PTPRT: variants seen among roughly 807,000 people sequenced by gnomAD.
PTPRT encodes the protein receptor-type tyrosine-protein phosphatase T.
A neutral mutation model predicts 176.8 loss-of-function variants in PTPRT; 56 were observed. That is an observed-to-expected ratio of 0.32 (90% CI 0.26 to 0.40). PTPRT has a LOEUF of 0.40. Among genes scored for constraint, PTPRT ranks in the 10% least tolerant of loss-of-function variants. The probability of loss-of-function intolerance (pLI) is 1.00; values close to 1 mark genes in which losing one functional copy is unlikely to be tolerated. For synonymous variants in PTPRT, 783 were observed against 739.0 expected (o/e 1.06, Z -0.96); for missense variants, 1,540 against 1,908.2 (o/e 0.81, Z 3.60).
chr20:42,886,417 G>C (rs2079104012), intron 1 of PTPRT, among the ~76,000 whole-genome samples: 1 of 152,156 alleles, frequency 6.6e-6, no homozygotes, highest in African/African-American at 2.4e-5. Context: ...CTATGATACG[G>C]AGGGAAATGT....
At chr20:43,176,991 C>A (rs187334144) in intron 1 of PTPRT, among the ~76,000 whole-genome samples, 1 of 152,296 alleles carries the variant, frequency 6.6e-6, no homozygotes, top group Admixed American at 6.5e-5. Flanking sequence ...TGTGTAGTCA[C>A]CGCACTCCCA....
chr20:42,582,603 G>A (rs1313897530), intron 7 of PTPRT, among the ~76,000 whole-genome samples: 1 of 152,156 alleles, frequency 6.6e-6, no homozygotes, highest in Non-Finnish European at 1.5e-5. Context: ...ACAAAAAGAG[G>A]TTACCTTTTC....
chr20:42,296,508 C>T (rs962164638), intron 12 of PTPRT, among the ~76,000 whole-genome samples: 2 of 149,834 alleles, frequency 1.3e-5, no homozygotes, highest in African/African-American at 4.9e-5. Flanking sequence ...AACAGAAATA[C>T]AAGACTTCCT....
chr20:42,739,327 AG>A (rs1249020040), intron 6 of PTPRT, among the ~76,000 whole-genome samples: 3 of 152,082 alleles, frequency 2.0e-5, no homozygotes, highest in Admixed American at 1.3e-4. Flanking sequence ...ATGAGAAGGA[AG>A]GGAGAACAGG....
intron 1 of PTPRT, among the ~76,000 whole-genome samples, chr20:42,901,645 C>T (rs1006133055): frequency 5.9e-5 from 9 of 152,140 alleles, no homozygotes; most frequent in African/African-American, 2.2e-4. Context: ...GACTTGACCA[C>T]AGTGGTAGCA....
intron 2 of PTPRT, among the ~76,000 whole-genome samples, chr20:42,810,137 C>T (rs1167273244): frequency 6.6e-6 from 1 of 151,922 alleles, no homozygotes; most frequent in Non-Finnish European, 1.5e-5. Context: ...TACTAAAATA[C>T]AAAAAAATTA....
intron 6 of PTPRT, among the ~76,000 whole-genome samples, chr20:42,731,782 T>C (rs1416962721): frequency 1.3e-5 from 2 of 152,194 alleles, no homozygotes; most frequent in South Asian, 4.1e-4. Flanking sequence ...CTCACCCATC[T>C]ATCCCAGCCA....
chr20:42,956,102 A>G (rs1298599690), intron 1 of PTPRT, among the ~76,000 whole-genome samples: 1 of 152,106 alleles, frequency 6.6e-6, no homozygotes, highest in African/African-American at 2.4e-5. Flanking sequence ...ACAGGTTGTG[A>G]CACTCAAGCT....
At chr20:42,164,494 G>C (rs1405431418) in intron 16 of PTPRT, among the ~76,000 whole-genome samples, 1 of 152,148 alleles carries the variant, frequency 6.6e-6, no homozygotes, top group Non-Finnish European at 1.5e-5. Flanking sequence ...TCAGAACCAA[G>C]GGATTTTCAA....
intron 1 of PTPRT, among the ~76,000 whole-genome samples, chr20:42,888,706 G>T (rs199829391): frequency 1.3e-5 from 2 of 152,170 alleles, no homozygotes; most frequent in Admixed American, 1.3e-4. Flanking sequence ...TTCCAAGGTG[G>T]TTGGGCCTCT....
chr20:42,118,572 G>A lies in PTPRT; in HGVS notation c.2885-72C>T, dbSNP rs543999791. On this transcript the variant is annotated intron_variant, in intron 20 of 30. Coordinates refer to ENST00000373187, the MANE Select transcript of PTPRT (RefSeq NM_007050.6). ...AGCAGCTGAGAAGGTTTGTCCCCCC[G>A]GTTGGTCAAGTCTCCACACTGGTGA... 1.5e-4 allele frequency: 204 copies of A among 1,346,556 alleles called. 1 individual carries two copies. In the African/African-American group the frequency reaches 2.4e-3, roughly 16 times the overall value. 83.4% of individuals were successfully genotyped at this position (1,346,556 alleles called of 1,614,324 possible).
rs576195633 is a variant in PTPRT, at chr20:43,091,789, G to A, written c.88+97857C>T. On this transcript the variant is annotated intron_variant, in intron 1 of 30. Transcript: ENST00000373187. ...ATGAGCTCATGGTCCCAGGAGGAAG[G>A]TAGGAGAGCACTTCACAGCGTGCAA... Among the ~76,000 whole-genome samples, 4 of 152,242 alleles carry A rather than the reference G, an allele frequency of 2.6e-5. No individual in the cohort carries two copies. In the South Asian group the frequency reaches 8.3e-4, roughly 32 times the overall value.
intron 25 of PTPRT, among the ~76,000 whole-genome samples, chr20:42,103,106 T>C (rs1986104851): frequency 6.6e-6 from 1 of 152,232 alleles, no homozygotes; most frequent in Admixed American, 6.5e-5. Flanking sequence ...CCTTGCTTTC[T>C]CATACCTGGT....
chr20:42,760,556 A>T lies in PTPRT; in HGVS notation c.685-3920T>A, dbSNP rs142714606. Among the ~76,000 whole-genome samples, 15 of 152,122 alleles carry T rather than the reference A, an allele frequency of 9.9e-5. No individual in the cohort carries two copies. In the East Asian group the frequency reaches 2.9e-3, roughly 29 times the overall value. The stretch of plus-strand genomic sequence containing the variant: ...CTGAGCTTGATAAACATTTTGTTCA[A>T]CTTAACAAGATTTATCTGAGCGTTT... On this transcript the variant is annotated intron_variant, in intron 5 of 30. Coordinates refer to ENST00000373187, the MANE Select transcript of PTPRT (RefSeq NM_007050.6).
Position 42,756,442 on chromosome 20 carries a change from C to T in PTPRT, c.859+20G>A, listed in dbSNP as rs745545337. ...TGCCAACCTTCCATGGCAGTAGAGG[C>T]GCAGGCTGGAGGCACTCACCTTTCA... On this transcript the variant is annotated intron_variant, in intron 6 of 30. Transcript: ENST00000373187. 106 of 1,512,760 alleles carry T rather than the reference C, an allele frequency of 7.0e-5. No individual in the cohort carries two copies. The highest frequency in any genetic ancestry group is 9.1e-5 in the Non-Finnish European group (102 of 1,125,222). The allele number at this position is 1,512,760 out of a possible 1,614,324, so 93.7% of individuals were successfully genotyped here. A position where few individuals can be genotyped will look rare whatever the true frequency, so the allele number is the denominator to read the frequency against.
chr20:42,774,313 T>A lies in PTPRT; in HGVS notation c.569-2763A>T, dbSNP rs935786398. On this transcript the variant is annotated intron_variant, in intron 4 of 30. Coordinates refer to ENST00000373187, the MANE Select transcript of PTPRT (RefSeq NM_007050.6). ...AATGTTGTAAGCACAATAACTGGTA[T>A]CCACCAGTAGCCTCAGCACTGAGGA... is the stretch of plus-strand genomic sequence containing the variant. Among the ~76,000 whole-genome samples the A allele has an allele frequency of 2.0e-5, 3 of 152,092 alleles. No individual in the cohort carries two copies. The South Asian group carries it at 6.2e-4, about 32-fold the overall frequency.
At chr20:43,151,014 T>C (rs911848957) in intron 1 of PTPRT, among the ~76,000 whole-genome samples, 2 of 152,044 alleles carry the variant, frequency 1.3e-5, no homozygotes, top group African/African-American at 4.8e-5. Flanking sequence ...TGGTAAAAAA[T>C]GGCATAGACT....
chr20:42,663,021 T>C (rs1357081404), intron 7 of PTPRT, among the ~76,000 whole-genome samples: 2 of 152,070 alleles, frequency 1.3e-5, no homozygotes, highest in African/African-American at 4.8e-5. Flanking sequence ...TACATGAATA[T>C]ATATACATAA....
chr20:42,590,208 C>A lies in PTPRT; in HGVS notation c.1153+87658G>T, dbSNP rs115191880. Among the ~76,000 whole-genome samples the A allele has an allele frequency of 7.5e-4, 114 of 152,250 alleles. 1 individual carries two copies. Among genetic ancestry groups the A allele is most frequent in the African/African-American group, 2.7e-3 (113 of 41,546 alleles). On this transcript the variant is annotated intron_variant, in intron 7 of 30. Transcript: ENST00000373187. ...CCCCCAGGTGGCAGCCAGCATTAAC[C>A]TCCAGACTTGTGAGTGAGGAGTCTG...
Sources: gnomAD v4.1 joint callset for allele counts (sites outside exome capture counted in the v4.1 genomes callset) on GRCh38, gnomAD v4.1.1 for gene constraint, MANE v1.5 for transcripts, NCBI Gene and HGNC (gene_info 2026-07-23, HGNC 2026-07-21) for gene names.